The following KHDRBS2 variants were observed in gnomAD, a reference collection of about 807,000 sequenced individuals.
KHDRBS2 encodes the protein KH domain-containing, RNA-binding, signal transduction-associated protein 2.
Under a neutral mutation model 44.3 loss-of-function variants are expected in KHDRBS2, and 26 were observed. The observed-to-expected ratio is 0.59, with a 90% CI of 0.43 to 0.81. KHDRBS2 has a LOEUF of 0.81. Among genes scored for constraint, KHDRBS2 ranks in the 40% least tolerant of loss-of-function variants. The pLI, the probability that KHDRBS2 is intolerant of heterozygous loss-of-function variation, is 0.00. For missense variants in KHDRBS2, 476 were observed against 433.1 expected, an observed-to-expected ratio of 1.10 and a Z score of -0.88; for synonymous variants, 194 against 151.1, an observed-to-expected ratio of 1.28 and a Z score of -2.08.
chr6:62,116,402 A>AG, intron 2 of KHDRBS2, among the ~76,000 whole-genome samples: 1 of 152,046 alleles, frequency 6.6e-6, no homozygotes, highest in Non-Finnish European at 1.5e-5. Flanking sequence ...TTTGTTTTAA[A>AG]TTCTGCATAT....
intron 6 of KHDRBS2, among the ~76,000 whole-genome samples, chr6:61,756,480 G>A (rs534062173): frequency 2.7e-4 from 41 of 152,136 alleles, no homozygotes; most frequent in Non-Finnish European, 4.0e-4. Context: ...GGCTGGTCTC[G>A]AACTCTTGAC....
chr6:61,597,793 C>T, the KHDRBS2 span, among the ~76,000 whole-genome samples: 2,319 of 87,984 alleles, frequency 0.026, 155 homozygotes, highest in African/African-American at 0.088. Flanking sequence ...TTATTGCCAC[C>T]GGGAAAAGAA....
chr6:61,770,446 T>A (rs1234149754), intron 6 of KHDRBS2, among the ~76,000 whole-genome samples: 1 of 152,008 alleles, frequency 6.6e-6, no homozygotes, highest in Non-Finnish European at 1.5e-5. Context: ...GAAAAAAAAT[T>A]AGACGAATGG....
the KHDRBS2 span, among the ~76,000 whole-genome samples, chr6:61,601,176 T>C: frequency 6.6e-6 from 1 of 151,790 alleles, no homozygotes; most frequent in East Asian, 2.0e-4. Context: ...TTTCTCTCCA[T>C]TTCTCTACCC....
At chr6:62,083,663 C>T (rs1186921010) in intron 2 of KHDRBS2, among the ~76,000 whole-genome samples, 1 of 152,156 alleles carries the variant, frequency 6.6e-6, no homozygotes, top group Non-Finnish European at 1.5e-5. Context: ...CACCCACTCA[C>T]CTGCATGCTC....
At chr6:61,858,850 T>A (rs2127293300) in intron 6 of KHDRBS2, among the ~76,000 whole-genome samples, 1 of 152,068 alleles carries the variant, frequency 6.6e-6, no homozygotes, top group African/African-American at 2.4e-5. Flanking sequence ...TTGGCCAGAT[T>A]ATCGGGAAAC....
chr6:61,919,855 T>C (rs2127358334), intron 4 of KHDRBS2, among the ~76,000 whole-genome samples: 1 of 152,050 alleles, frequency 6.6e-6, no homozygotes. Context: ...TCTACTATTC[T>C]ACACATGGTA....
intron 7 of KHDRBS2, among the ~76,000 whole-genome samples, chr6:61,705,220 T>A (rs1309129704): frequency 6.6e-6 from 1 of 151,846 alleles, no homozygotes. Flanking sequence ...ATATGCTAAT[T>A]CCTAATTGAT....
At chr6:61,914,564 C>T (rs552105079) in intron 4 of KHDRBS2, among the ~76,000 whole-genome samples, 91 of 151,906 alleles carry the variant, frequency 6.0e-4, no homozygotes, top group African/African-American at 1.7e-3. Flanking sequence ...ATGTAAATGA[C>T]GAGTTAATGG....
At chr6:61,705,235 C>T (rs1769328304) in intron 7 of KHDRBS2, among the ~76,000 whole-genome samples, 1 of 151,826 alleles carries the variant, frequency 6.6e-6, no homozygotes, top group Admixed American at 6.6e-5. Flanking sequence ...ATTGATTTTA[C>T]TCTTTCCGAC....
At chr6:61,824,221 T>C (rs980438393) in intron 6 of KHDRBS2, among the ~76,000 whole-genome samples, 6 of 152,098 alleles carry the variant, frequency 3.9e-5, no homozygotes, top group African/African-American at 1.2e-4. Flanking sequence ...CATGTCAAAC[T>C]GTGATCCTGA....
intron 1 of KHDRBS2, among the ~76,000 whole-genome samples, chr6:62,209,533 A>G (rs1450766139): frequency 9.5e-6 from 1 of 104,956 alleles, no homozygotes; most frequent in Admixed American, 8.8e-5. Flanking sequence ...TGCTACACAG[A>G]TTGCCATTTA....
chr6:61,603,678 C>A, the KHDRBS2 span, among the ~76,000 whole-genome samples: 1 of 152,148 alleles, frequency 6.6e-6, no homozygotes, highest in African/African-American at 2.4e-5. Context: ...GTTCTCATAA[C>A]TTCCAAAATC....
At chr6:61,723,098 G>A (rs191903771) in intron 7 of KHDRBS2, among the ~76,000 whole-genome samples, 100 of 152,106 alleles carry the variant, frequency 6.6e-4, no homozygotes, top group Non-Finnish European at 1.0e-3. Flanking sequence ...GGCAACTAGG[G>A]TCTGAAGCAG....
intron 2 of KHDRBS2, among the ~76,000 whole-genome samples, chr6:62,096,880 C>T (rs1212776565): frequency 1.3e-5 from 2 of 151,686 alleles, no homozygotes; most frequent in African/African-American, 4.8e-5. Flanking sequence ...GTTTATAACA[C>T]CTAAGTGAAT....
Position 62,276,596 on chromosome 6 carries a change from T to C in KHDRBS2, c.91+9262A>G, listed in dbSNP as rs1348329689. On this transcript the variant is annotated intron_variant, in intron 1 of 8. Coordinates refer to ENST00000281156, the MANE Select transcript of KHDRBS2 (RefSeq NM_152688.4). ...CATTCAGAAAATGTAGTAGGCTGTCTTGATGATCCTTAATTCAATTCTATA... is the reference window on the plus strand; with the variant it reads ...CATTCAGAAAATGTAGTAGGCTGTCCTGATGATCCTTAATTCAATTCTATA... 3.9e-5 allele frequency among the ~76,000 whole-genome samples: 6 copies of C among 152,306 alleles called. 1 individual carries two copies. The South Asian group carries it at 1.2e-3, about 32-fold the overall frequency.
At chr6:61,954,427 G>C (rs1028420903) in intron 4 of KHDRBS2, among the ~76,000 whole-genome samples, 3 of 136,988 alleles carry the variant, frequency 2.2e-5, no homozygotes, top group Non-Finnish European at 4.9e-5. Flanking sequence ...ATATACGTAT[G>C]TATGCATGCA....
intron 4 of KHDRBS2, among the ~76,000 whole-genome samples, chr6:61,945,938 C>A (rs902767975): frequency 6.6e-6 from 1 of 152,128 alleles, no homozygotes; most frequent in African/African-American, 2.4e-5. Context: ...ACTAGTAAGT[C>A]TTGCATTATA....
At chr6:61,562,610 A>G in the KHDRBS2 span, among the ~76,000 whole-genome samples, 4 of 152,138 alleles carry the variant, frequency 2.6e-5, no homozygotes, top group African/African-American at 9.6e-5. Flanking sequence ...TGGCCTAGAA[A>G]TGTCTTTCTT....
Sources: allele counts gnomAD v4.1 joint callset (sites outside exome capture counted in the v4.1 genomes callset), GRCh38; gene constraint gnomAD v4.1.1; transcripts MANE v1.5; gene names NCBI Gene and HGNC (gene_info 2026-07-23, HGNC 2026-07-21).